Variants in CPQ observed in about 807,000 individuals in gnomAD.
The protein encoded by CPQ is carboxypeptidase Q.
In CPQ, 37 loss-of-function variants were observed where a neutral mutation model predicts 45.7. That is an observed-to-expected ratio of 0.81 (90% CI 0.62 to 1.07). The LOEUF is 1.07. Among genes scored for constraint, CPQ ranks in the 50% least tolerant of loss-of-function variants. The pLI is 0.00. For missense variants in CPQ, 537 were observed against 572.9 expected, an observed-to-expected ratio of 0.94 and a Z score of 0.64; for synonymous variants, 186 against 205.8, an observed-to-expected ratio of 0.90 and a Z score of 0.82.
At chr8:97,064,580 A>T (rs757421247) in intron 6 of CPQ, among the ~76,000 whole-genome samples, 2 of 152,176 alleles carry the variant, frequency 1.3e-5, no homozygotes, top group Non-Finnish European at 2.9e-5. Context: ...TAACCTTCTC[A>T]TCATTAACAA....
intron 5 of CPQ, among the ~76,000 whole-genome samples, chr8:97,008,055 G>A (rs1300551961): frequency 6.6e-6 from 1 of 152,098 alleles, no homozygotes; most frequent in Non-Finnish European, 1.5e-5. Context: ...TATGTGTGCT[G>A]GGATGGTGGC....
intron 1 of CPQ, among the ~76,000 whole-genome samples, chr8:96,734,172 C>T (rs1192230999): frequency 1.3e-5 from 2 of 152,200 alleles, no homozygotes; most frequent in African/African-American, 4.8e-5. Context: ...TTCCTCATTT[C>T]TACACTCCAT....
intron 5 of CPQ, among the ~76,000 whole-genome samples, chr8:97,011,580 C>G (rs542515808): frequency 6.6e-6 from 1 of 152,288 alleles, no homozygotes; most frequent in Admixed American, 6.5e-5. Context: ...GGACATTAGG[C>G]AGTCCTAGGT....
intron 2 of CPQ, among the ~76,000 whole-genome samples, chr8:96,794,457 A>G (rs1274960375): frequency 6.6e-6 from 1 of 152,158 alleles, no homozygotes; most frequent in Non-Finnish European, 1.5e-5. Flanking sequence ...CAGCCCATGA[A>G]ACCACTTTTT....
chr8:96,781,415 C>T (rs1339624907), intron 1 of CPQ, among the ~76,000 whole-genome samples: 2 of 152,082 alleles, frequency 1.3e-5, no homozygotes, highest in Non-Finnish European at 2.9e-5. Flanking sequence ...AGAGAAAAAG[C>T]AAGAGGGGGT....
chr8:96,837,913 CG>C (rs1431485646), intron 3 of CPQ, among the ~76,000 whole-genome samples: 1 of 152,164 alleles, frequency 6.6e-6, no homozygotes, highest in Non-Finnish European at 1.5e-5. Flanking sequence ...CAATTACACA[CG>C]GAACAGCTCC....
At chr8:97,104,529 C>G (rs1357012043) in intron 7 of CPQ, among the ~76,000 whole-genome samples, 1 of 152,164 alleles carries the variant, frequency 6.6e-6, no homozygotes, top group Admixed American at 6.6e-5. Context: ...AAATTCCAGA[C>G]AAATACTGTC....
At chr8:96,881,708 T>C (rs1216403730) in intron 4 of CPQ, among the ~76,000 whole-genome samples, 1 of 152,196 alleles carries the variant, frequency 6.6e-6, no homozygotes, top group Admixed American at 6.5e-5. Flanking sequence ...CCACAGTTTA[T>C]GTGCAGTTTC....
At chr8:96,804,034 G>A (rs1033238418) in intron 2 of CPQ, among the ~76,000 whole-genome samples, 7 of 152,134 alleles carry the variant, frequency 4.6e-5, no homozygotes, top group African/African-American at 1.7e-4. Context: ...TTCTGTTTGG[G>A]GGTTGAACAA....
At chr8:96,884,102 T>C (rs1388616964) in intron 4 of CPQ, among the ~76,000 whole-genome samples, 1 of 152,218 alleles carries the variant, frequency 6.6e-6, no homozygotes, top group East Asian at 1.9e-4. Flanking sequence ...ATGAACACAT[T>C]GGCTCCCTCA....
chr8:97,040,697 C>T (rs1810104788), intron 6 of CPQ, among the ~76,000 whole-genome samples: 1 of 151,942 alleles, frequency 6.6e-6, no homozygotes, highest in African/African-American at 2.4e-5. Context: ...CAGCTTTCTA[C>T]ATATGGCTAG....
At chr8:96,709,035 A>T (rs1413948900) in intron 1 of CPQ, among the ~76,000 whole-genome samples, 1 of 152,132 alleles carries the variant, frequency 6.6e-6, no homozygotes, top group Non-Finnish European at 1.5e-5. Context: ...TTATGAATCA[A>T]GACCATGTTT....
At chr8:96,787,022 T>G (rs1376010972) in intron 2 of CPQ, among the ~76,000 whole-genome samples, 3 of 152,126 alleles carry the variant, frequency 2.0e-5, no homozygotes, top group Admixed American at 2.0e-4. Flanking sequence ...AAATATTTAA[T>G]TTTTGATTAG....
intron 4 of CPQ, among the ~76,000 whole-genome samples, chr8:96,947,161 G>A (rs757450584): frequency 3.3e-5 from 5 of 152,222 alleles, no homozygotes; most frequent in East Asian, 3.9e-4. Context: ...CATTCAATGG[G>A]TTTCTCTAGA....
intron 1 of CPQ, among the ~76,000 whole-genome samples, chr8:96,665,957 A>G (rs1438233117): frequency 2.0e-5 from 3 of 152,208 alleles, no homozygotes; most frequent in Admixed American, 2.0e-4. Context: ...TTTGTTACTC[A>G]TATCTCCTAT....
intron 5 of CPQ, among the ~76,000 whole-genome samples, chr8:96,994,168 CA>C (rs1387189682): frequency 6.6e-6 from 1 of 152,066 alleles, no homozygotes; most frequent in African/African-American, 2.4e-5. Flanking sequence ...TTTGCATGAA[CA>C]AAAAGTCACC....
intron 7 of CPQ, among the ~76,000 whole-genome samples, chr8:97,074,500 G>A (rs576259197): frequency 9.9e-5 from 15 of 152,238 alleles, no homozygotes; most frequent in East Asian, 1.9e-4. Flanking sequence ...GGCCAGGCAC[G>A]GTGGCCCACG....
At chr8:96,723,864 T>C (rs1809798391) in intron 1 of CPQ, among the ~76,000 whole-genome samples, 1 of 152,096 alleles carries the variant, frequency 6.6e-6, no homozygotes, top group Non-Finnish European at 1.5e-5. Flanking sequence ...AGACCTCTTA[T>C]ATTAGGGGAA....
At chr8:96,712,791 A>G (rs1809629264) in intron 1 of CPQ, among the ~76,000 whole-genome samples, 1 of 151,644 alleles carries the variant, frequency 6.6e-6, no homozygotes. Context: ...TGCCCTGGAG[A>G]CATTTTTCCC....
Sources: gnomAD v4.1 joint callset for allele counts (sites outside exome capture counted in the v4.1 genomes callset) on GRCh38, gnomAD v4.1.1 for gene constraint, MANE v1.5 for transcripts, NCBI Gene and HGNC (gene_info 2026-07-23, HGNC 2026-07-21) for gene names.